The following SDK2 variants were observed in gnomAD, a reference collection of about 807,000 sequenced individuals.
SDK2 encodes protein sidekick-2.
Under a neutral mutation model 253.9 loss-of-function variants are expected in SDK2, and 105 were observed. The observed-to-expected ratio is 0.41, with a 90% CI of 0.35 to 0.49. SDK2 has a LOEUF of 0.49. Among genes scored for constraint, SDK2 ranks in the 20% least tolerant of loss-of-function variants. The pLI, the probability that SDK2 is intolerant of heterozygous loss-of-function variation, is 0.06. For synonymous variants in SDK2, 1,249 were observed against 1,234.9 expected, an observed-to-expected ratio of 1.01 and a Z score of -0.24; for missense variants, 2,608 against 3,003.0, an observed-to-expected ratio of 0.87 and a Z score of 3.07.
At chr17:73,437,920 C>T (rs1285730763) in intron 7 of SDK2, 44 bp downstream of exon 7, 14 of 1,579,504 alleles carry the variant, frequency 8.9e-6, no homozygotes, top group Non-Finnish European at 1.2e-5. Flanking sequence ...CGCCGTGCTG[C>T]CCCTACCCCT....
intron 1 of SDK2, among the ~76,000 whole-genome samples, chr17:73,630,445 C>T (rs917177020): frequency 6.4e-4 from 97 of 152,160 alleles, no homozygotes; most frequent in African/African-American, 2.2e-3. Context: ...AAAGGGCACC[C>T]CCTCATCCCT....
chr17:73,595,825 CA>C (rs1426680310), intron 1 of SDK2, among the ~76,000 whole-genome samples: 1 of 152,168 alleles, frequency 6.6e-6, no homozygotes, highest in Non-Finnish European at 1.5e-5. Flanking sequence ...TGGAGGCAGC[CA>C]GGGGGGCTGA....
chr17:73,379,490 C>T lies in SDK2; in HGVS notation c.4822G>A (p.Gly1608Arg). The T allele has an allele frequency of 6.2e-7, 1 of 1,612,440 alleles. No individual in the cohort carries two copies. Among genetic ancestry groups the T allele is most frequent in the East Asian group, 2.2e-5 (1 of 44,858 alleles). ...RMSVYNAVGE[G>R]PSSPPQEVFV... Reference sequence around the variant, plus strand: ...ACCTCCTGCGGGGGGCTGGAGGGCCCCTCACCCACAGCGTTGTACACGCTC... The same window carrying T: ...ACCTCCTGCGGGGGGCTGGAGGGCCTCTCACCCACAGCGTTGTACACGCTC... The change falls in exon 35 of 45, where the codon GGG becomes AGG. Residue 1608 changes from glycine (G) to arginine (R), a missense_variant. This residue lies in a region of SDK2 where 1,103 missense variants were observed against 1,143.9 expected (regional missense o/e 0.96). Coordinates refer to ENST00000392650, the MANE Select transcript of SDK2 (RefSeq NM_001144952.2). This position sits in a 1 kb window ranked among gnomAD's most constrained non-coding sequence, Gnocchi z 4.5.
At chr17:73,408,399 T>C (rs2145551134) in intron 18 of SDK2, among the ~76,000 whole-genome samples, 1 of 149,800 alleles carries the variant, frequency 6.7e-6, no homozygotes, top group South Asian at 2.1e-4. Context: ...TTTTTTTTAA[T>C]ATTTTTAGTA....
chr17:73,476,749 C>T (rs756278476), intron 2 of SDK2, among the ~76,000 whole-genome samples: 10 of 152,282 alleles, frequency 6.6e-5, no homozygotes, highest in Non-Finnish European at 1.0e-4. Context: ...TTCCAAGTAG[C>T]GAGGACTATG....
At chr17:73,462,103 TTG>T (rs1227483552) in intron 3 of SDK2, among the ~76,000 whole-genome samples, 1 of 152,050 alleles carries the variant, frequency 6.6e-6, no homozygotes, top group Admixed American at 6.5e-5. Flanking sequence ...GGATGGATGG[TTG>T]TTTATGCACG....
At chr17:73,342,931 T>C (rs981815391) in intron 44 of SDK2, among the ~76,000 whole-genome samples, 3 of 151,706 alleles carry the variant, frequency 2.0e-5, no homozygotes, top group Admixed American at 1.3e-4. Flanking sequence ...AGAGATGGAG[T>C]GAGAAGCCTC....
chr17:73,374,455 G>A (rs1193721413), intron 36 of SDK2, among the ~76,000 whole-genome samples: 8 of 140,060 alleles, frequency 5.7e-5, no homozygotes, highest in Non-Finnish European at 8.9e-5. Context: ...CCCATTCCAT[G>A]TTCGATTTGT....
At position 73,423,407 on chromosome 17, in the gene SDK2, T is replaced by G; in HGVS notation, c.1876A>C (p.Ile626Leu). The G allele has an allele frequency of 6.5e-6, 10 of 1,534,150 alleles. No individual in the cohort carries two copies. The highest frequency in any genetic ancestry group is 7.9e-6 in the Non-Finnish European group (9 of 1,137,518). ...FDGNSPLIRY[I>L]LEMSENNAPW... ...TTACTGTTCTCCGACATCTCCAGAA[T>G]GTAGCGGATCAGGGGGCTGTTGCCA... The change falls in exon 14 of 45, where the codon ATT becomes CTT. Residue 626 changes from isoleucine to leucine, a missense_variant. Transcript: ENST00000392650.
intron 16 of SDK2, among the ~76,000 whole-genome samples, chr17:73,416,259 C>T (rs1260291338): frequency 2.1e-5 from 3 of 145,844 alleles, no homozygotes; most frequent in South Asian, 2.1e-4. Context: ...CGCAGTGGCG[C>T]AATCTCGGCT....
intron 40 of SDK2, among the ~76,000 whole-genome samples, chr17:73,354,371 G>C (rs1228034308): frequency 6.6e-6 from 1 of 152,186 alleles, no homozygotes; most frequent in Non-Finnish European, 1.5e-5. Flanking sequence ...TGTTCAGTCA[G>C]AGCGGTGCGG....
chr17:73,565,518 C>G (rs1229717364), intron 1 of SDK2, among the ~76,000 whole-genome samples: 3 of 152,216 alleles, frequency 2.0e-5, no homozygotes, highest in Admixed American at 1.3e-4. Flanking sequence ...TGTTTTAAAA[C>G]AGCTATTATA....
chr17:73,425,432 T>A (rs190292011), intron 12 of SDK2, among the ~76,000 whole-genome samples: 165 of 152,376 alleles, frequency 1.1e-3, no homozygotes, highest in African/African-American at 3.5e-3. Context: ...CACTGCTGCA[T>A]TCAGGAGTCA....
chr17:73,370,301 G>A (rs2062723783), intron 36 of SDK2, among the ~76,000 whole-genome samples: 1 of 152,118 alleles, frequency 6.6e-6, no homozygotes, highest in Non-Finnish European at 1.5e-5. Context: ...GGAGTGCAGT[G>A]GCACGATCAC....
intron 3 of SDK2, among the ~76,000 whole-genome samples, chr17:73,460,156 C>T (rs553649429): frequency 1.3e-5 from 2 of 152,286 alleles, no homozygotes; most frequent in South Asian, 4.1e-4. Flanking sequence ...ATACAGCTGC[C>T]ACCTGACTCT....
intron 29 of SDK2, among the ~76,000 whole-genome samples, chr17:73,388,414 G>A (rs367794336): frequency 2.6e-5 from 4 of 152,180 alleles, no homozygotes; most frequent in Non-Finnish European, 4.4e-5. Flanking sequence ...GTTTCCCTAC[G>A]AGAAGCGCTG....
At chr17:73,536,074 C>T (rs146460964) in intron 1 of SDK2, among the ~76,000 whole-genome samples, 10 of 152,288 alleles carry the variant, frequency 6.6e-5, no homozygotes, top group African/African-American at 2.2e-4. Context: ...CCAATTTCCC[C>T]GCCCTGCAGT....
At chr17:73,482,860 A>AT (rs2145714264) in intron 2 of SDK2, among the ~76,000 whole-genome samples, 2 of 152,326 alleles carry the variant, frequency 1.3e-5, no homozygotes, top group African/African-American at 4.8e-5. Context: ...CCCTCCCTAA[A>AT]TAACAACCAC....
chr17:73,496,618 G>C lies in SDK2; in HGVS notation c.224+10820C>G, dbSNP rs2063843719. Among the ~76,000 whole-genome samples, 2 of 152,204 alleles carry C rather than the reference G, an allele frequency of 1.3e-5. No homozygotes were observed. Among genetic ancestry groups the C allele is most frequent in the South Asian group, 4.2e-4 (2 of 4,818 alleles). Reference sequence around the variant, plus strand: ...CAAAATCCTTTCGAGACTGTCCACTGCCTGCTGGATATATCCGAGAAGATT... The same window carrying C: ...CAAAATCCTTTCGAGACTGTCCACTCCCTGCTGGATATATCCGAGAAGATT... On this transcript the variant is annotated intron_variant, in intron 2 of 44. Transcript: ENST00000392650. The surrounding 1 kb of genome is among the most constrained non-coding windows in gnomAD (Gnocchi z 4.7).
Sources: allele counts gnomAD v4.1 joint callset (sites outside exome capture counted in the v4.1 genomes callset), GRCh38; gene constraint gnomAD v4.1.1; regional missense constraint gnomAD v4.1.1; non-coding constraint Gnocchi (gnomAD v3.1); transcripts MANE v1.5; gene names NCBI Gene and HGNC (gene_info 2026-07-23, HGNC 2026-07-21).